SNX29: variants seen among roughly 807,000 people sequenced by gnomAD.
SNX29 encodes the protein sorting nexin 29, also known as sorting nexin-29.
SNX29 carries 78 observed loss-of-function variants against 102.1 expected under a neutral mutation model. That is an observed-to-expected ratio of 0.76 (90% CI 0.64 to 0.92). The LOEUF (loss-of-function observed/expected upper bound fraction) is 0.92, where lower values mean the gene tolerates loss of function less well. Among genes scored for constraint, SNX29 ranks in the 40% least tolerant of loss-of-function variants. The pLI is 0.00. For synonymous variants in SNX29, 580 were observed against 414.5 expected (o/e 1.40, Z -4.85); for missense variants, 1,280 against 1,061.7 (o/e 1.21, Z -2.86).
At chr16:11,986,235 C>T (rs569170153) in intron 1 of SNX29, among the ~76,000 whole-genome samples, 2 of 152,104 alleles carry the variant, frequency 1.3e-5, no homozygotes, top group South Asian at 4.2e-4. Context: ...GGGAGCCCTT[C>T]AGAGACCTGG....
At chr16:12,051,746 C>G (rs2151217677) in intron 7 of SNX29, 101 bp from the exon 8 acceptor site, 1 of 1,476,028 alleles carries the variant, frequency 6.8e-7, no homozygotes, top group Non-Finnish European at 9.1e-7. Context: ...GTATTTCTCA[C>G]TCGAATAGTA....
intron 19 of SNX29, among the ~76,000 whole-genome samples, chr16:12,493,282 A>G (rs578182231): frequency 6.6e-6 from 1 of 152,144 alleles, no homozygotes; most frequent in South Asian, 2.1e-4. Context: ...TAGGTATTTT[A>G]TTCTCTTTGA....
intron 14 of SNX29, among the ~76,000 whole-genome samples, chr16:12,243,504 C>T (rs996397255): frequency 1.3e-5 from 2 of 152,214 alleles, no homozygotes; most frequent in African/African-American, 2.4e-5. Context: ...TGTTAGCTAA[C>T]TTTTACTAGA....
intron 18 of SNX29, among the ~76,000 whole-genome samples, chr16:12,441,768 G>C (rs544859314): frequency 6.6e-6 from 1 of 152,202 alleles, no homozygotes; most frequent in East Asian, 1.9e-4. Context: ...CTTAAATTTA[G>C]TTATTTGATC....
chr16:12,018,837 C>T (rs975397351), intron 3 of SNX29, among the ~76,000 whole-genome samples: 9 of 151,622 alleles, frequency 5.9e-5, no homozygotes, highest in South Asian at 2.1e-4. Flanking sequence ...GTTCTCCTGC[C>T]GATGCCTCCG....
chr16:12,495,661 A>G (rs1291688094), intron 19 of SNX29, among the ~76,000 whole-genome samples: 1 of 152,354 alleles, frequency 6.6e-6, no homozygotes, highest in African/African-American at 2.4e-5. Flanking sequence ...TAGTGACAAA[A>G]TCCAGTTTGT....
At chr16:12,258,575 C>T (rs750282171) in intron 14 of SNX29, among the ~76,000 whole-genome samples, 3 of 152,154 alleles carry the variant, frequency 2.0e-5, no homozygotes, top group Non-Finnish European at 4.4e-5. Flanking sequence ...AAGTGCTCAG[C>T]AGAACTGTCT....
chr16:12,379,006 CAGTT>C (rs1259115487), intron 16 of SNX29, among the ~76,000 whole-genome samples: 2 of 152,184 alleles, frequency 1.3e-5, no homozygotes, highest in East Asian at 1.9e-4. Context: ...TGACTGAAGT[CAGTT>C]AGTGCTCACC....
chr16:12,568,814 T>TG lies in SNX29; in HGVS notation c.*186dup, dbSNP rs2079121618. On this transcript the variant is annotated 3_prime_UTR_variant, in exon 21 of 21. Transcript: ENST00000566228. ...TCAGTCTTCGAGCCGCATGATACCG[T>TG]GACCCGAGAGACCAAGGCAGCACCT... 1.0e-6 allele frequency: 1 copy of TG among 957,610 alleles called. No homozygotes were observed. The highest frequency in any genetic ancestry group is 1.5e-6 in the Non-Finnish European group (1 of 665,584). 59.3% of individuals were successfully genotyped at this position (957,610 alleles called of 1,614,324 possible).
chr16:12,379,563 C>T (rs371538261), intron 16 of SNX29, among the ~76,000 whole-genome samples: 1 of 152,200 alleles, frequency 6.6e-6, no homozygotes, highest in Non-Finnish European at 1.5e-5. Flanking sequence ...CCAAAAACAT[C>T]TTCTCAAAGA....
Position 12,398,457 on chromosome 16 carries a change from T to C in SNX29, c.1911T>C (p.Asp637=), listed in dbSNP as rs2076985314. 1 of 1,613,978 alleles carries C rather than the reference T, an allele frequency of 6.2e-7. No individual in the cohort carries two copies. The highest frequency in any genetic ancestry group is 1.7e-5 in the Admixed American group (1 of 60,034). ...TCTCCTGATGGTAGGTGCCTGGAGA[T>C]TTGAGTCAAACGTCCGAAGACCAGA... ...LIDLRGPVPG[D]LSQTSEDQSL... The change falls in exon 17 of 21, where the codon GAT becomes GAC. Residue 637 remains aspartate (D), a synonymous_variant. Coordinates refer to ENST00000566228, the MANE Select transcript of SNX29 (RefSeq NM_032167.5).
chr16:12,499,914 G>T (rs574499047), intron 19 of SNX29, among the ~76,000 whole-genome samples: 1 of 152,086 alleles, frequency 6.6e-6, no homozygotes, highest in East Asian at 1.9e-4. Context: ...TGGGCTCAAG[G>T]GATCCACCTG....
At chr16:12,260,176 C>G (rs1278754384) in intron 14 of SNX29, among the ~76,000 whole-genome samples, 2 of 152,136 alleles carry the variant, frequency 1.3e-5, no homozygotes, top group Admixed American at 6.5e-5. Context: ...TCTTTTTTAT[C>G]CCCTTGAAAC....
chr16:12,297,696 A>G (rs2080028948), intron 15 of SNX29, among the ~76,000 whole-genome samples: 1 of 152,138 alleles, frequency 6.6e-6, no homozygotes. Context: ...TTCTCTGTAC[A>G]TCTCCAATAT....
intron 20 of SNX29, among the ~76,000 whole-genome samples, chr16:12,532,035 A>G (rs1358243398): frequency 6.6e-6 from 1 of 152,188 alleles, no homozygotes; most frequent in African/African-American, 2.4e-5. Flanking sequence ...AGGTGTCACC[A>G]CATGGAGCTG....
intron 16 of SNX29, chr16:12,375,774 T>A (rs2082849299): frequency 6.6e-6 from 1 of 152,272 alleles, no homozygotes; most frequent in Admixed American, 6.5e-5. Context: ...GGCTCACGCC[T>A]GTAATTCTAG....
chr16:12,320,422 C>G (rs1284874635), intron 15 of SNX29, among the ~76,000 whole-genome samples: 1 of 152,086 alleles, frequency 6.6e-6, no homozygotes, highest in East Asian at 1.9e-4. Flanking sequence ...TTATTTTTGT[C>G]CTGAATGAAT....
At chr16:12,048,046 A>G (rs747719615) in intron 6 of SNX29, among the ~76,000 whole-genome samples, 35 of 151,838 alleles carry the variant, frequency 2.3e-4, no homozygotes, top group Non-Finnish European at 4.6e-4. Context: ...ACCTCCTCCC[A>G]GTTGACCTCT....
chr16:12,188,437 C>T (rs1376851376), intron 13 of SNX29, among the ~76,000 whole-genome samples: 1 of 152,100 alleles, frequency 6.6e-6, no homozygotes, highest in Non-Finnish European at 1.5e-5. Context: ...CTTCTTGGTG[C>T]CAGAGGAGTA....
Sources: gnomAD v4.1 joint callset for allele counts (sites outside exome capture counted in the v4.1 genomes callset) on GRCh38, gnomAD v4.1.1 for gene constraint, MANE v1.5 for transcripts, NCBI Gene and HGNC (gene_info 2026-07-23, HGNC 2026-07-21) for gene names.